PDPN: variants seen among roughly 807,000 people sequenced by gnomAD.
PDPN encodes the protein PA2.26 antigen.
A neutral mutation model predicts 23.2 loss-of-function variants in PDPN; 12 were observed. That is an observed-to-expected ratio of 0.52 (90% CI 0.33 to 0.84). The LOEUF (loss-of-function observed/expected upper bound fraction) is 0.84, where lower values mean the gene tolerates loss of function less well. Ranked by LOEUF, PDPN falls within the 40% of genes least tolerant of loss-of-function variation. The pLI is 0.02. For synonymous variants in PDPN, 77 were observed against 76.7 expected (o/e 1.00, Z -0.02); for missense variants, 199 against 212.2 (o/e 0.94, Z 0.39).
At chr1:13,603,114 T>C (rs1401823828) in intron 1 of PDPN, among the ~76,000 whole-genome samples, 1 of 151,644 alleles carries the variant, frequency 6.6e-6, no homozygotes, top group East Asian at 1.9e-4. Context: ...AGAAAGAAAT[T>C]CTGTTTAAAA....
chr1:13,583,867 G>A lies in PDPN; in HGVS notation c.-167G>A, dbSNP rs1484952995. The A allele has an allele frequency of 1.2e-6, 2 of 1,605,242 alleles. No homozygotes were observed. The highest frequency in any genetic ancestry group is 1.7e-6 in the Non-Finnish European group (2 of 1,175,704). On this transcript the variant is annotated 5_prime_UTR_variant, in exon 1 of 6. Coordinates refer to ENST00000621990, the MANE Select transcript of PDPN (RefSeq NM_006474.5). ...TTTGCTGTCCGGCTGCCTAGGGTCT[G>A]GGAAGCTCGGGCACCCTCCCTCTCC...
At chr1:13,615,793 G>A (rs989129641) in intron 5 of PDPN, 112 bp from the exon 6 acceptor site, 1 of 955,596 alleles carries the variant, frequency 1.0e-6, no homozygotes, top group Non-Finnish European at 1.7e-6. Context: ...TGATCACCAG[G>A]TGTCAGAACT....
chr1:13,606,058 C>T (rs1445329622), intron 1 of PDPN, among the ~76,000 whole-genome samples: 1 of 151,850 alleles, frequency 6.6e-6, no homozygotes, highest in East Asian at 1.9e-4. Flanking sequence ...GATGCGATCT[C>T]AGCTTACTGT....
In PDPN at chr1:13,599,373, CTTTTTTTTTTTTTT is replaced by C. The variant is rs70984267; in HGVS notation, c.68-7783_68-7770del. Among the ~76,000 whole-genome samples, 12 of 77,106 alleles carry C rather than the reference CTTTTTTTTTTTTTT, an allele frequency of 1.6e-4. 1 individual carries two copies. The highest frequency in any genetic ancestry group is 4.7e-4 in the East Asian group (1 of 2,124). 50.6% of individuals were successfully genotyped at this position (77,106 alleles called of 152,430 possible). ...TATCTTGATGTGTTCGAGAAGCTAT[CTTTTTTTTTTTTTT>C]TTTTTTTTTTTTTTTTCAGACAGAG... On this transcript the variant is annotated intron_variant, in intron 1 of 5. Transcript: ENST00000621990.
intron 1 of PDPN, among the ~76,000 whole-genome samples, chr1:13,592,203 A>G (rs1420956379): frequency 6.6e-6 from 1 of 152,212 alleles, no homozygotes; most frequent in Non-Finnish European, 1.5e-5. Context: ...TCCTTTATAT[A>G]TTCTAGATAT....
intron 1 of PDPN, among the ~76,000 whole-genome samples, chr1:13,594,783 G>A (rs915416007): frequency 6.6e-6 from 1 of 151,256 alleles, no homozygotes; most frequent in Non-Finnish European, 1.5e-5. Context: ...TCAGGAGATC[G>A]AGACCACCCT....
intron 1 of PDPN, among the ~76,000 whole-genome samples, chr1:13,588,070 T>C (rs2100592094): frequency 6.6e-6 from 1 of 152,282 alleles, no homozygotes; most frequent in East Asian, 1.9e-4. Context: ...ATGTAGTTTT[T>C]TGAGGAGCTG....
chr1:13,614,894 A>G (rs1641028268), intron 5 of PDPN: 1 of 496,180 alleles, frequency 2.0e-6, no homozygotes, highest in African/African-American at 2.0e-5. Context: ...TAAGAGAGTC[A>G]GAGCCAGAGG....
chr1:13,615,459 G>A (rs1471311033), intron 5 of PDPN, among the ~76,000 whole-genome samples: 5 of 151,888 alleles, frequency 3.3e-5, no homozygotes, highest in East Asian at 3.9e-4. Context: ...CTAATTTTTT[G>A]TATTTTTTAG....
intron 1 of PDPN, among the ~76,000 whole-genome samples, chr1:13,584,896 TC>T (rs1640135590): frequency 6.6e-6 from 1 of 152,214 alleles, no homozygotes; most frequent in Non-Finnish European, 1.5e-5. Flanking sequence ...CTTTGTCCTC[TC>T]CTGGAGCCTT....
At chr1:13,614,207 A>T in intron 4 of PDPN, 93 bp from the exon 5 acceptor site, 1 of 696,866 alleles carries the variant, frequency 1.4e-6, no homozygotes, top group Non-Finnish European at 2.6e-6. Flanking sequence ...TGCTATGTGC[A>T]GTAGGGCAGT....
chr1:13,610,561 T>C (rs1232375406), intron 3 of PDPN, 45 bp downstream of exon 3: 1 of 1,591,370 alleles, frequency 6.3e-7, no homozygotes, highest in Non-Finnish European at 8.6e-7. Context: ...TACTTTTGCA[T>C]AATTGGTGCA....
intron 1 of PDPN, among the ~76,000 whole-genome samples, chr1:13,587,265 T>C (rs974248895): frequency 1.3e-5 from 2 of 152,260 alleles, no homozygotes; most frequent in Admixed American, 6.5e-5. Context: ...AAGCATTTCC[T>C]GAGTTCTTGG....
In PDPN at chr1:13,584,470, A is replaced by T. The variant is rs567477920; in HGVS notation, c.67+370A>T. Reference sequence around the variant, plus strand: ...TCCTTCCCATAGAGCGGTGTGTTGGAGGAATACGCACGCCTCGGGAGAAGC... The same window carrying T: ...TCCTTCCCATAGAGCGGTGTGTTGGTGGAATACGCACGCCTCGGGAGAAGC... On this transcript the variant is annotated intron_variant, in intron 1 of 5. Coordinates refer to ENST00000621990, the MANE Select transcript of PDPN (RefSeq NM_006474.5). 51 of 624,398 alleles carry T rather than the reference A, an allele frequency of 8.2e-5. No individual in the cohort carries two copies. In the African/African-American group the frequency reaches 9.0e-4, roughly 11 times the overall value. 38.7% of individuals were successfully genotyped at this position (624,398 alleles called of 1,614,324 possible).
intron 1 of PDPN, among the ~76,000 whole-genome samples, chr1:13,599,522 A>T (rs950868372): frequency 1.3e-5 from 2 of 151,028 alleles, no homozygotes; most frequent in African/African-American, 4.9e-5. Context: ...AGTAGCTGGG[A>T]TTACAGAGGC....
At chr1:13,592,642 C>G (rs1481980359) in intron 1 of PDPN, among the ~76,000 whole-genome samples, 1 of 151,176 alleles carries the variant, frequency 6.6e-6, no homozygotes, top group East Asian at 1.9e-4. Flanking sequence ...CTCCGCTTCC[C>G]GGGTTCAAGT....
At chr1:13,614,949 T>C (rs1641029143) in intron 5 of PDPN, 1 of 380,958 alleles carries the variant, frequency 2.6e-6, no homozygotes, top group African/African-American at 2.2e-5. Flanking sequence ...ACATTTGATC[T>C]CTTGTTTTAA....
intron 1 of PDPN, among the ~76,000 whole-genome samples, chr1:13,605,963 G>A (rs533354509): frequency 6.4e-4 from 97 of 151,990 alleles, no homozygotes; most frequent in Admixed American, 2.7e-3. Context: ...TTGTCCAAAT[G>A]TTAATGCGGA....
At chr1:13,595,425 G>A (rs1212864608) in intron 1 of PDPN, among the ~76,000 whole-genome samples, 5 of 152,070 alleles carry the variant, frequency 3.3e-5, no homozygotes, top group Non-Finnish European at 7.4e-5. Flanking sequence ...TTTGGGAGGT[G>A]ACCCAGAGGG....
Sources: allele counts gnomAD v4.1 joint callset (sites outside exome capture counted in the v4.1 genomes callset), GRCh38; gene constraint gnomAD v4.1.1; transcripts MANE v1.5; gene names NCBI Gene and HGNC (gene_info 2026-07-23, HGNC 2026-07-21).